Variants in GRM1 observed in about 807,000 individuals in gnomAD.
GRM1 encodes metabotropic glutamate receptor 1.
In GRM1, 33 loss-of-function variants were observed where a neutral mutation model predicts 90.9. The ratio of observed to expected loss-of-function variants is 0.36; its 90% confidence interval spans 0.28 to 0.49. GRM1 has a LOEUF of 0.49. Ranked by LOEUF, GRM1 falls within the 20% of genes least tolerant of loss-of-function variation. The pLI is 0.99. For synonymous variants in GRM1, 700 were observed against 613.2 expected (o/e 1.14, Z -2.09); for missense variants, 1,190 against 1,534.3 (o/e 0.78, Z 3.75).
chr6:146,271,437 GGAA>G (rs968400374), intron 2 of GRM1, among the ~76,000 whole-genome samples: 1 of 152,158 alleles, frequency 6.6e-6, no homozygotes, highest in Non-Finnish European at 1.5e-5. Flanking sequence ...AGACTTGTTA[GGAA>G]GCTGGTGGAG....
At chr6:146,090,502 A>C in intron 1 of GRM1, among the ~76,000 whole-genome samples, 1 of 152,150 alleles carries the variant, frequency 6.6e-6, no homozygotes, top group East Asian at 1.9e-4. Flanking sequence ...AAGTGCCTAC[A>C]AAGTTTTTAC....
intron 7 of GRM1, among the ~76,000 whole-genome samples, chr6:146,400,014 A>G (rs1022848946): frequency 2.6e-5 from 4 of 152,342 alleles, no homozygotes; most frequent in Admixed American, 6.5e-5. Flanking sequence ...ACCCTTTCGC[A>G]TGGGACCTCC....
chr6:146,386,824 C>T, intron 5 of GRM1, 66 bp from the exon 6 acceptor site: 1 of 1,251,236 alleles, frequency 8.0e-7, no homozygotes, highest in Non-Finnish European at 1.2e-6. Flanking sequence ...AAAACAAATC[C>T]TCATCTGAAA....
chr6:146,243,853 T>A (rs1344350672), intron 2 of GRM1, among the ~76,000 whole-genome samples: 1 of 152,034 alleles, frequency 6.6e-6, no homozygotes, highest in East Asian at 1.9e-4. Context: ...CTTATCTACA[T>A]CCGTATAAGA....
At chr6:146,197,539 C>T (rs1779162616) in intron 2 of GRM1, among the ~76,000 whole-genome samples, 1 of 152,216 alleles carries the variant, frequency 6.6e-6, no homozygotes, top group Admixed American at 6.5e-5. Context: ...TGCTGGCCAC[C>T]TCTTGCTTAT....
intron 2 of GRM1, among the ~76,000 whole-genome samples, chr6:146,196,465 T>A (rs1779126078): frequency 7.5e-6 from 1 of 134,136 alleles, no homozygotes; most frequent in Non-Finnish European, 1.6e-5. Flanking sequence ...TTTTTTGTAT[T>A]TTTTTTTTTT....
intron 2 of GRM1, among the ~76,000 whole-genome samples, chr6:146,186,483 C>A (rs1778735535): frequency 6.6e-6 from 1 of 152,078 alleles, no homozygotes; most frequent in African/African-American, 2.4e-5. Flanking sequence ...AATCCCTTGC[C>A]AAATGCAGCC....
chr6:146,146,830 T>G (rs1777127249), intron 1 of GRM1, among the ~76,000 whole-genome samples: 1 of 152,212 alleles, frequency 6.6e-6, no homozygotes, highest in African/African-American at 2.4e-5. Context: ...GACTCCATAC[T>G]TTAAGAAATA....
At chr6:146,357,488 C>T (rs1207601723) in intron 4 of GRM1, 38 bp from the exon 5 acceptor site, 1 of 1,530,874 alleles carries the variant, frequency 6.5e-7, no homozygotes, top group Non-Finnish European at 9.1e-7. Flanking sequence ...TACATTATGT[C>T]TATATTCTAT....
chr6:146,411,851 A>G (rs1368095703), intron 7 of GRM1, among the ~76,000 whole-genome samples: 1 of 152,200 alleles, frequency 6.6e-6, no homozygotes, highest in Non-Finnish European at 1.5e-5. Context: ...CTATCACCAG[A>G]ATAAATGTAT....
intron 2 of GRM1, among the ~76,000 whole-genome samples, chr6:146,165,418 A>T (rs1048058434): frequency 6.6e-6 from 1 of 152,112 alleles, no homozygotes; most frequent in Non-Finnish European, 1.5e-5. Context: ...AATGGGGAAA[A>T]CTCTAAAGTT....
chr6:146,106,059 T>G (rs1274408258), intron 1 of GRM1, among the ~76,000 whole-genome samples: 2 of 152,218 alleles, frequency 1.3e-5, no homozygotes, highest in Non-Finnish European at 2.9e-5. Flanking sequence ...ATATAAAATG[T>G]TCTGTATTTG....
chr6:146,376,236 A>G (rs1398076184), intron 5 of GRM1, among the ~76,000 whole-genome samples: 1 of 152,084 alleles, frequency 6.6e-6, no homozygotes, highest in African/African-American at 2.4e-5. Context: ...TATATTGACT[A>G]TGTCTTGAAA....
chr6:146,244,469 T>A (rs914850067), intron 2 of GRM1, among the ~76,000 whole-genome samples: 1 of 152,198 alleles, frequency 6.6e-6, no homozygotes, highest in Non-Finnish European at 1.5e-5. Context: ...TCAGTAAATG[T>A]CTAGGTGTTT....
chr6:146,231,251 C>CGTGGA (rs1280214961), intron 2 of GRM1, among the ~76,000 whole-genome samples: 1 of 152,074 alleles, frequency 6.6e-6, no homozygotes, highest in East Asian at 1.9e-4. Flanking sequence ...GCTAAGCACA[C>CGTGGA]GTGGAGGCAA....
At chr6:146,123,132 C>T (rs1468119724) in intron 1 of GRM1, among the ~76,000 whole-genome samples, 3 of 152,028 alleles carry the variant, frequency 2.0e-5, no homozygotes, top group Admixed American at 6.6e-5. Context: ...TGTGAGCCAC[C>T]GTGCCCGGCC....
chr6:146,401,454 A>C (rs1350097614), intron 7 of GRM1, among the ~76,000 whole-genome samples: 5 of 152,176 alleles, frequency 3.3e-5, no homozygotes, highest in African/African-American at 1.2e-4. Flanking sequence ...ATTAGTCCAG[A>C]TGTAAAATGG....
chr6:146,420,595 A>G (rs1337171071), intron 7 of GRM1, among the ~76,000 whole-genome samples: 1 of 152,202 alleles, frequency 6.6e-6, no homozygotes, highest in Non-Finnish European at 1.5e-5. Flanking sequence ...GTCTCATCTG[A>G]TATAAAATAC....
intron 2 of GRM1, among the ~76,000 whole-genome samples, chr6:146,192,928 A>G (rs1332640509): frequency 6.6e-6 from 1 of 152,148 alleles, no homozygotes; most frequent in African/African-American, 2.4e-5. Context: ...TGTGAGGAAG[A>G]TGACCGGCAT....
Sources: allele counts gnomAD v4.1 joint callset (sites outside exome capture counted in the v4.1 genomes callset), GRCh38; gene constraint gnomAD v4.1.1; transcripts MANE v1.5; gene names NCBI Gene and HGNC (gene_info 2026-07-23, HGNC 2026-07-21).